The following PTPRD variants were observed in gnomAD, a reference collection of about 807,000 sequenced individuals.
The protein encoded by PTPRD is receptor-type tyrosine-protein phosphatase delta.
PTPRD carries 34 observed loss-of-function variants against 214.5 expected under a neutral mutation model. That is an observed-to-expected ratio of 0.16 (90% confidence interval 0.12 to 0.21). The LOEUF is 0.21. Among genes scored for constraint, PTPRD ranks in the 10% least tolerant of loss-of-function variants. The pLI is 1.00. For synonymous variants in PTPRD, 1,128 were observed against 845.7 expected, an observed-to-expected ratio of 1.33 and a Z score of -5.79; for missense variants, 2,545 against 2,398.7, an observed-to-expected ratio of 1.06 and a Z score of -1.27.
chr9:10,252,547 T>C (rs2154370149), intron 3 of PTPRD, among the ~76,000 whole-genome samples: 1 of 152,062 alleles, frequency 6.6e-6, no homozygotes, highest in Middle Eastern at 3.4e-3. Context: ...ACTCCCAGAG[T>C]AATAAGAGAT....
chr9:9,133,985 A>G (rs2099846844), intron 10 of PTPRD, among the ~76,000 whole-genome samples: 1 of 144,690 alleles, frequency 6.9e-6, no homozygotes, highest in African/African-American at 2.6e-5. Context: ...TCCACACCTT[A>G]CCTCCATCCC....
intron 12 of PTPRD, among the ~76,000 whole-genome samples, chr9:8,690,525 T>C (rs2097781417): frequency 1.1e-5 from 1 of 94,708 alleles, no homozygotes; most frequent in African/African-American, 9.7e-5. Context: ...CAAGACTCCG[T>C]CTCAAAAAAA....
At chr9:9,928,344 TTTATGTTGCCAAG>T (rs2085087158) in intron 5 of PTPRD, among the ~76,000 whole-genome samples, 2 of 152,162 alleles carry the variant, frequency 1.3e-5, no homozygotes, top group Non-Finnish European at 2.9e-5. Flanking sequence ...AGGAAGATGC[TTTATGTTGCCAAG>T]CTCATTATCT....
At chr9:9,030,100 G>T (rs1394551823) in intron 10 of PTPRD, among the ~76,000 whole-genome samples, 1 of 151,840 alleles carries the variant, frequency 6.6e-6, no homozygotes, top group East Asian at 1.9e-4. Flanking sequence ...AAGAAAAAAT[G>T]CCAACGAGAA....
chr9:8,642,379 G>A (rs1289818936), intron 12 of PTPRD, among the ~76,000 whole-genome samples: 1 of 152,142 alleles, frequency 6.6e-6, no homozygotes, highest in Non-Finnish European at 1.5e-5. Flanking sequence ...TTTTTAAAGG[G>A]CTGTTTGTCA....
At chr9:8,453,816 T>C (rs1231955473) in intron 33 of PTPRD, among the ~76,000 whole-genome samples, 1 of 152,212 alleles carries the variant, frequency 6.6e-6, no homozygotes. Flanking sequence ...TCAAGTTCCC[T>C]GGTGGTGCTG....
At chr9:9,355,807 A>G (rs1308174586) in intron 9 of PTPRD, among the ~76,000 whole-genome samples, 8 of 151,558 alleles carry the variant, frequency 5.3e-5, no homozygotes, top group African/African-American at 1.9e-4. Flanking sequence ...GAGCATTTCA[A>G]TGTTAATAGG....
At chr9:8,984,653 A>G (rs2099330131) in intron 11 of PTPRD, among the ~76,000 whole-genome samples, 1 of 152,062 alleles carries the variant, frequency 6.6e-6, no homozygotes, top group Non-Finnish European at 1.5e-5. Flanking sequence ...TCAGTTGGCA[A>G]GTTAACCTCT....
intron 9 of PTPRD, among the ~76,000 whole-genome samples, chr9:9,252,429 C>T (rs1170578292): frequency 6.6e-6 from 1 of 151,994 alleles, no homozygotes; most frequent in Non-Finnish European, 1.5e-5. Flanking sequence ...ACTTGTCTCC[C>T]CCATACTTTC....
intron 4 of PTPRD, among the ~76,000 whole-genome samples, chr9:9,962,392 C>T (rs2094424681): frequency 6.6e-6 from 1 of 152,016 alleles, no homozygotes; most frequent in Admixed American, 6.6e-5. Context: ...ATTTGATTTC[C>T]TATCTATCCA....
chr9:8,560,508 A>G (rs1398429045), intron 14 of PTPRD, among the ~76,000 whole-genome samples: 1 of 151,942 alleles, frequency 6.6e-6, no homozygotes, highest in Non-Finnish European at 1.5e-5. Context: ...GCTCTTTCAT[A>G]TTAAGAGTAA....
chr9:9,556,890 C>A (rs1418431776), intron 8 of PTPRD, among the ~76,000 whole-genome samples: 1 of 152,098 alleles, frequency 6.6e-6, no homozygotes, highest in East Asian at 1.9e-4. Flanking sequence ...AACCTGTATT[C>A]TAATCTCAGA....
rs182833833 is a variant in PTPRD, at chr9:8,710,124, T to A, written c.64+23656A>T. 1.5e-4 allele frequency among the ~76,000 whole-genome samples: 23 copies of A among 152,320 alleles called. No individual in the cohort carries two copies. In the East Asian group the frequency reaches 2.5e-3, roughly 17 times the overall value. On this transcript the variant is annotated intron_variant, in intron 12 of 45. Coordinates refer to ENST00000381196, the MANE Select transcript of PTPRD (RefSeq NM_002839.4). The stretch of plus-strand genomic sequence containing the variant: ...GTGCACGCACATCCTAAGTGCCCAA[T>A]AAATATTAGCTCTTTGTTACTAATA...
At chr9:9,183,548 T>C (rs1184170937) in intron 9 of PTPRD, among the ~76,000 whole-genome samples, 185 bp from the exon 10 acceptor site, 1 of 152,000 alleles carries the variant, frequency 6.6e-6, no homozygotes, top group Non-Finnish European at 1.5e-5. Context: ...AGTAGTGAAA[T>C]GCCAAAAACC....
At chr9:10,215,688 A>G (rs534966670) in intron 3 of PTPRD, among the ~76,000 whole-genome samples, 1 of 152,208 alleles carries the variant, frequency 6.6e-6, no homozygotes, top group East Asian at 1.9e-4. Flanking sequence ...ATCAATAAAT[A>G]TGTGAGAATG....
At chr9:8,514,725 C>A (rs958158252) in intron 21 of PTPRD, among the ~76,000 whole-genome samples, 16 of 152,098 alleles carry the variant, frequency 1.1e-4, no homozygotes, top group Admixed American at 2.0e-4. Context: ...AAAACTATCA[C>A]ATTAAGCAAA....
chr9:9,174,006 T>C (rs2099923091), intron 10 of PTPRD, among the ~76,000 whole-genome samples: 1 of 152,144 alleles, frequency 6.6e-6, no homozygotes, highest in African/African-American at 2.4e-5. Flanking sequence ...AGACATATAT[T>C]TTCTAGGCAA....
chr9:9,813,410 G>C lies in PTPRD; in HGVS notation c.-367-46559C>G, dbSNP rs1408549988. On this transcript the variant is annotated intron_variant, in intron 5 of 45. Coordinates refer to ENST00000381196, the MANE Select transcript of PTPRD (RefSeq NM_002839.4). ...TTTAGCAAAAATAGAACAAAAGACA[G>C]AGCTCAATAAATTAGAAATGAAAGA... 2.0e-5 allele frequency among the ~76,000 whole-genome samples: 3 copies of C among 151,822 alleles called. No homozygotes were observed. In the East Asian group the frequency reaches 5.8e-4, roughly 29 times the overall value.
At chr9:9,518,701 G>A (rs1177504540) in intron 8 of PTPRD, among the ~76,000 whole-genome samples, 1 of 152,012 alleles carries the variant, frequency 6.6e-6, no homozygotes, top group Non-Finnish European at 1.5e-5. Context: ...AGAATTGTGT[G>A]AAAGAGTTTT....
Sources: allele counts gnomAD v4.1 joint callset (sites outside exome capture counted in the v4.1 genomes callset), GRCh38; gene constraint gnomAD v4.1.1; transcripts MANE v1.5; gene names NCBI Gene and HGNC (gene_info 2026-07-23, HGNC 2026-07-21).